Variants in AKT2 observed in about 807,000 individuals in gnomAD.
The protein encoded by AKT2 is AKT serine/threonine kinase 2.
AKT2 carries 16 observed loss-of-function variants against 58.6 expected under a neutral mutation model. The ratio of observed to expected loss-of-function variants is 0.27; its 90% CI spans 0.18 to 0.41. The LOEUF is 0.41. Ranked by LOEUF, AKT2 falls within the 10% of genes least tolerant of loss-of-function variation. The pLI is 1.00. For synonymous variants in AKT2, 253 were observed against 254.0 expected (o/e 1.00, Z 0.04); for missense variants, 438 against 661.0 (o/e 0.66, Z 3.70).
chr19:40,275,786 G>GGGGGGGGGGGT (rs2077309312), intron 1 of AKT2, among the ~76,000 whole-genome samples: 1 of 101,082 alleles, frequency 9.9e-6, no homozygotes, highest in Non-Finnish European at 2.1e-5. Flanking sequence ...GGGTGGGCGG[G>GGGGGGGGGGGT]GGGCGATCAC....
intron 7 of AKT2, 99 bp from the exon 8 acceptor site, chr19:40,239,072 C>T: frequency 7.7e-7 from 1 of 1,296,890 alleles, no homozygotes; most frequent in Non-Finnish European, 1.1e-6. Context: ...TGCACACACA[C>T]ACCCTGCCCT....
chr19:40,239,280 G>A (rs1474707256), intron 7 of AKT2: 1 of 331,936 alleles, frequency 3.0e-6, no homozygotes, highest in Admixed American at 4.5e-5. Flanking sequence ...AGTAAAATGT[G>A]TTCAACTTAC....
At chr19:40,277,126 G>A (rs893664484) in intron 1 of AKT2, among the ~76,000 whole-genome samples, 2 of 152,166 alleles carry the variant, frequency 1.3e-5, no homozygotes, top group African/African-American at 4.8e-5. Flanking sequence ...CAGGGCCAGT[G>A]CTTGAAAAAT....
At chr19:40,272,858 G>A (rs1289764022) in intron 1 of AKT2, among the ~76,000 whole-genome samples, 1 of 152,192 alleles carries the variant, frequency 6.6e-6, no homozygotes, top group Non-Finnish European at 1.5e-5. Context: ...CCCTGGCTGT[G>A]TCACCTGCTG....
At position 40,265,825 on chromosome 19, in the gene AKT2, C is replaced by T. The variant is rs1976310231; in HGVS notation, c.-84-474G>A. On this transcript the variant is annotated intron_variant, in intron 1 of 13. Transcript: ENST00000392038. Reference sequence around the variant, plus strand: ...ACACACACACTCTTTTCTCTCTCTCCCCTCTCCCTTCTTTCCAAACCAGGA... The same window carrying T: ...ACACACACACTCTTTTCTCTCTCTCTCCTCTCCCTTCTTTCCAAACCAGGA... 2.0e-5 allele frequency among the ~76,000 whole-genome samples: 3 copies of T among 152,152 alleles called. No homozygotes were observed. The South Asian group carries it at 6.2e-4, about 31-fold the overall frequency.
At position 40,234,322 on chromosome 19, in the gene AKT2, C is replaced by T. The variant is rs183324627; in HGVS notation, c.1367-371G>A. On this transcript the variant is annotated intron_variant, in intron 13 of 13. Transcript: ENST00000392038. This position sits in a 1 kb window ranked among gnomAD's most constrained non-coding sequence, Gnocchi z 4.7. ...GGCAGCCAGGGGGGCTTTCTAAAGG[C>T]CTGCTTTAACCCTGTCCCTCTCTGT... The T allele has an allele frequency of 2.9e-3, 854 of 299,110 alleles. 1 individual carries two copies. The highest frequency in any genetic ancestry group is 4.2e-3 in the Non-Finnish European group (662 of 159,314). The allele number at this position is 299,110 out of a possible 1,614,324, so 18.5% of individuals were successfully genotyped here.
chr19:40,239,349 T>C (rs1162904627), intron 7 of AKT2: 1 of 246,212 alleles, frequency 4.1e-6, no homozygotes, highest in Non-Finnish European at 8.0e-6. Context: ...CCAACTTCAA[T>C]GACAGGATGG....
Position 40,235,315 on chromosome 19 carries a change from A to G in AKT2, c.1211T>C (p.Met404Thr), listed in dbSNP as rs767995122. 4 of 1,614,008 alleles carry G rather than the reference A, an allele frequency of 2.5e-6. No individual in the cohort carries two copies. The African/African-American group carries it at 5.3e-5, about 22-fold the overall frequency. The change falls in exon 12 of 14, where the codon ATG becomes ACG. Residue 404 changes from methionine (M) to threonine (T), a missense_variant. By Grantham distance (81) the Met-to-Thr change is moderately conservative (BLOSUM62 -1). Coordinates refer to ENST00000392038, the MANE Select transcript of AKT2 (RefSeq NM_001626.6). This position sits in a 1 kb window ranked among gnomAD's most constrained non-coding sequence, Gnocchi z 6.3. ...GGGPSDAKEV[M>T]EHRFFLSINW... ...GATGCTGAGGAAGAACCTGTGCTCCATGACCTCCTTGGCATCGCTGGGCCC... is the reference window on the plus strand; with the variant it reads ...GATGCTGAGGAAGAACCTGTGCTCCGTGACCTCCTTGGCATCGCTGGGCCC...
At chr19:40,260,272 C>G (rs1306227501) in intron 2 of AKT2, among the ~76,000 whole-genome samples, 1 of 152,030 alleles carries the variant, frequency 6.6e-6, no homozygotes, top group Non-Finnish European at 1.5e-5. Context: ...AAACTGACAC[C>G]CTCATGCACT....
At position 40,237,744 on chromosome 19, in the gene AKT2, C is replaced by G. The variant is rs1974119335; in HGVS notation, c.831+225G>C. 3.3e-6 allele frequency: 2 copies of G among 607,736 alleles called. No homozygotes were observed. Among genetic ancestry groups the G allele is most frequent in the African/African-American group, 3.7e-5 (2 of 53,764 alleles). 37.6% of individuals were successfully genotyped at this position (607,736 alleles called of 1,614,324 possible). A position where few individuals can be genotyped will look rare whatever the true frequency, so the allele number is the denominator to read the frequency against. On this transcript the variant is annotated intron_variant, in intron 9 of 13. Coordinates refer to ENST00000392038, the MANE Select transcript of AKT2 (RefSeq NM_001626.6). The surrounding 1 kb of genome is among the most constrained non-coding windows in gnomAD (Gnocchi z 4.5). ...TTGGGAAGGTCCCTACTTGGGGCAA[C>G]TTGCCACAGAGCCACCACCCTGGAC...
At position 40,231,675 on chromosome 19, in the gene AKT2, T is replaced by A. The variant is rs1973708703; in HGVS notation, c.*2197A>T. 1 of 233,290 alleles carries A rather than the reference T, an allele frequency of 4.3e-6. No homozygotes were observed. Among genetic ancestry groups the A allele is most frequent in the African/African-American group, 2.2e-5 (1 of 45,330 alleles). 14.5% of individuals were successfully genotyped at this position (233,290 alleles called of 1,614,324 possible). A position where few individuals can be genotyped will look rare whatever the true frequency, so the allele number is the denominator to read the frequency against. On this transcript the variant is annotated 3_prime_UTR_variant, in exon 14 of 14. Transcript: ENST00000392038. The stretch of plus-strand genomic sequence containing the variant: ...GTCCCTTGCTGGGGGAGGTGTTCCA[T>A]CCGGCCAGCGCCCGGCCATGCAGCC...
chr19:40,246,033 C>G (rs1974731239), intron 4 of AKT2, among the ~76,000 whole-genome samples: 1 of 148,828 alleles, frequency 6.7e-6, no homozygotes, highest in Non-Finnish European at 1.5e-5. Context: ...CCCATGCCCC[C>G]TTAGGAACAA....
At chr19:40,244,983 G>A (rs926413818) in intron 4 of AKT2, among the ~76,000 whole-genome samples, 1 of 152,222 alleles carries the variant, frequency 6.6e-6, no homozygotes, top group Admixed American at 6.5e-5. Flanking sequence ...TGACACTGCT[G>A]GAATGCAGAT....
chr19:40,249,557 C>T lies in AKT2; in HGVS notation c.287+5601G>A, dbSNP rs116997163. 2.6e-5 allele frequency among the ~76,000 whole-genome samples: 4 copies of T among 152,328 alleles called. No individual in the cohort carries two copies. In the South Asian group the frequency reaches 6.2e-4, roughly 24 times the overall value. On this transcript the variant is annotated intron_variant, in intron 4 of 13. Coordinates refer to ENST00000392038, the MANE Select transcript of AKT2 (RefSeq NM_001626.6). The stretch of plus-strand genomic sequence containing the variant: ...CAGGGCTGTCCTTCATGCACAAGCC[C>T]GTCCTCACCGCTTCAGGAGTGACAG...
rs1973895911 is a variant in AKT2, at chr19:40,234,604, T to C, written c.1366+441A>G. 1 of 436,742 alleles carries C rather than the reference T, an allele frequency of 2.3e-6. No homozygotes were observed. Among genetic ancestry groups the C allele is most frequent in the Non-Finnish European group, 4.0e-6 (1 of 247,450 alleles). 27.1% of individuals were successfully genotyped at this position (436,742 alleles called of 1,614,324 possible). ...CCAGGTCGGATATTTCCTCTGGGAT[T>C]CCCCAGTCCCTGGCCTCCCACGCCC... On this transcript the variant is annotated intron_variant, in intron 13 of 13. Coordinates refer to ENST00000392038, the MANE Select transcript of AKT2 (RefSeq NM_001626.6). The surrounding 1 kb of genome is among the most constrained non-coding windows in gnomAD (Gnocchi z 4.7).
intron 6 of AKT2, chr19:40,241,614 T>G (rs1218197297): frequency 2.5e-6 from 1 of 404,378 alleles, no homozygotes; most frequent in African/African-American, 2.0e-5. Context: ...TGGGATACCC[T>G]GAGCAAAGCC....
chr19:40,246,236 C>A (rs1249122431), intron 4 of AKT2, among the ~76,000 whole-genome samples: 1 of 151,966 alleles, frequency 6.6e-6, no homozygotes, highest in Non-Finnish European at 1.5e-5. Flanking sequence ...CAGGTTTAAG[C>A]GATTCTCCTG....
At position 40,230,716 on chromosome 19, in the gene AKT2, G is replaced by A. The variant is rs1599933716; in HGVS notation, c.*3156C>T. 1.1e-5 allele frequency: 2 copies of A among 176,456 alleles called. No individual in the cohort carries two copies. The allele number at this position is 176,456 out of a possible 1,614,324, so 10.9% of individuals were successfully genotyped here. Reference sequence around the variant, plus strand: ...TGTCTTTTTTAATAGCATGTATCATGTTTTTTTTTTTTTTATTTTTAGAGA... The same window carrying A: ...TGTCTTTTTTAATAGCATGTATCATATTTTTTTTTTTTTTATTTTTAGAGA... On this transcript the variant is annotated 3_prime_UTR_variant, in exon 14 of 14. Transcript: ENST00000392038.
intron 6 of AKT2, 121 bp from the exon 7 acceptor site, chr19:40,240,231 T>C (rs1296880298): frequency 1.8e-6 from 2 of 1,084,986 alleles, no homozygotes; most frequent in African/African-American, 3.1e-5. Flanking sequence ...ATGCAGAAAA[T>C]CACAGGAGTG....
Sources: allele counts gnomAD v4.1 joint callset (sites outside exome capture counted in the v4.1 genomes callset), GRCh38; gene constraint gnomAD v4.1.1; non-coding constraint Gnocchi (gnomAD v3.1); transcripts MANE v1.5; gene names NCBI Gene and HGNC (gene_info 2026-07-23, HGNC 2026-07-21).